AXDND1: variants seen among roughly 807,000 people sequenced by gnomAD.
The protein encoded by AXDND1 is axonemal dynein light chain domain-containing protein 1.
A neutral mutation model predicts 137.5 loss-of-function variants in AXDND1; 110 were observed. That is an observed-to-expected ratio of 0.80 (90% CI 0.69 to 0.94). AXDND1 has a LOEUF of 0.94. Among genes scored for constraint, AXDND1 ranks in the 40% least tolerant of loss-of-function variants. The pLI is 0.00. For missense variants in AXDND1, 1,191 were observed against 1,169.8 expected, an observed-to-expected ratio of 1.02 and a Z score of -0.26; for synonymous variants, 414 against 399.7, an observed-to-expected ratio of 1.04 and a Z score of -0.43.
chr1:179,482,098 A>ATTTTTTTTTTTTTTT lies in AXDND1; in HGVS notation c.1998-1018_1998-1004dup, dbSNP rs57145549. The stretch of plus-strand genomic sequence containing the variant: ...TTGGGACAAGATTAGGAGCTTTTTA[A>ATTTTTTTTTTTTTTT]TTTTTTTTTTTTTTTTTTTTTTTTT... On this transcript the variant is annotated intron_variant, in intron 17 of 25. Transcript: ENST00000367618. Among the ~76,000 whole-genome samples the ATTTTTTTTTTTTTTT allele has an allele frequency of 2.8e-5, 3 of 108,066 alleles. 1 individual carries two copies. The highest frequency in any genetic ancestry group is 1.2e-4 in the African/African-American group (3 of 25,790). The allele number at this position is 108,066 out of a possible 152,430, so 70.9% of individuals were successfully genotyped here. A position where few individuals can be genotyped will look rare whatever the true frequency, so the allele number is the denominator to read the frequency against.
At chr1:179,453,067 C>A (rs1198602523) in intron 16 of AXDND1, 1 of 152,254 alleles carries the variant, frequency 6.6e-6, no homozygotes, top group Non-Finnish European at 1.5e-5. Flanking sequence ...GGTATTGAAC[C>A]TGCGGGTGTA....
intron 4 of AXDND1, among the ~76,000 whole-genome samples, chr1:179,377,963 G>A (rs758159606): frequency 1.3e-5 from 2 of 152,160 alleles, no homozygotes; most frequent in Non-Finnish European, 2.9e-5. Context: ...GAGGCCAGGA[G>A]TTTGAGACCA....
In AXDND1 at chr1:179,375,116, T is replaced by A. The variant is rs865811436; in HGVS notation, c.375-3521T>A. 4.1e-3 allele frequency among the ~76,000 whole-genome samples: 613 copies of A among 151,008 alleles called. 3 individuals carry two copies. Among genetic ancestry groups the A allele is most frequent in the Middle Eastern group, 0.01 (3 of 294 alleles). ...TTATTAATAAAAAAAAAATTTTTTT[T>A]AAGATGGAATCTTGCTCTGTCATCC... On this transcript the variant is annotated intron_variant, in intron 4 of 25. Coordinates refer to ENST00000367618, the MANE Select transcript of AXDND1 (RefSeq NM_144696.6).
At chr1:179,414,570 C>T (rs553705851) in intron 12 of AXDND1, among the ~76,000 whole-genome samples, 4 of 152,048 alleles carry the variant, frequency 2.6e-5, no homozygotes, top group African/African-American at 7.2e-5. Flanking sequence ...GGACTACAGG[C>T]GCCCGCCACC....
At chr1:179,429,458 A>G (rs1046040011) in intron 12 of AXDND1, 60 bp from the exon 13 acceptor site, 1 of 877,916 alleles carries the variant, frequency 1.1e-6, no homozygotes. Flanking sequence ...AATCACTGTA[A>G]TAAATTATAG....
chr1:179,466,282 C>CTTTTTTTTT (rs1491121382), intron 16 of AXDND1, among the ~76,000 whole-genome samples: 31 of 95,652 alleles, frequency 3.2e-4, no homozygotes, highest in East Asian at 1.0e-3. Flanking sequence ...TCTTCTTCTT[C>CTTTTTTTTT]TTCTTTTTTT....
chr1:179,453,928 C>T (rs565543235), intron 16 of AXDND1: 8 of 152,230 alleles, frequency 5.3e-5, no homozygotes, highest in East Asian at 1.9e-4. Context: ...GCCTGTACCC[C>T]CTTCGTGTCT....
intron 8 of AXDND1, among the ~76,000 whole-genome samples, chr1:179,384,873 C>T (rs996238870): frequency 3.3e-5 from 5 of 151,918 alleles, no homozygotes; most frequent in Non-Finnish European, 5.9e-5. Flanking sequence ...AGGGGATCCT[C>T]CCACCTCAGC....
Position 179,421,367 on chromosome 1 carries a change from C to CTTT in AXDND1, c.1231-8124_1231-8122dup, listed in dbSNP as rs199703017. Among the ~76,000 whole-genome samples the CTTT allele has an allele frequency of 2.4e-3, 258 of 107,186 alleles. 17 individuals are homozygous for CTTT. Among genetic ancestry groups the CTTT allele is most frequent in the African/African-American group, 9.3e-3 (225 of 24,280 alleles). The allele number at this position is 107,186 out of a possible 152,430, so 70.3% of individuals were successfully genotyped here. ...CTTCCTTCCTTTTCTTTTTCTTTTC[C>CTTT]TTTTTTTTTTTTTTTTTTTTTTTTT... On this transcript the variant is annotated intron_variant, in intron 12 of 25. Transcript: ENST00000367618.
chr1:179,458,520 T>C (rs998273629), intron 16 of AXDND1, among the ~76,000 whole-genome samples: 4 of 152,060 alleles, frequency 2.6e-5, no homozygotes, highest in Non-Finnish European at 4.4e-5. Flanking sequence ...TAATAATTAT[T>C]ATTATAGCTT....
At chr1:179,554,478 T>C in intron 25 of AXDND1, 34 bp from the exon 26 acceptor site, 2 of 1,614,150 alleles carry the variant, frequency 1.2e-6, no homozygotes, top group Non-Finnish European at 1.7e-6. Context: ...CTACCCACAT[T>C]TCTATTCTCT....
chr1:179,487,000 C>T (rs973856611), intron 18 of AXDND1, among the ~76,000 whole-genome samples: 1 of 148,282 alleles, frequency 6.7e-6, no homozygotes, highest in African/African-American at 2.6e-5. Flanking sequence ...GGCTAAATGC[C>T]CCAATTAAAA....
In AXDND1 at chr1:179,376,055, A is replaced by G. The variant is rs138535589; in HGVS notation, c.375-2582A>G. 5.3e-3 allele frequency among the ~76,000 whole-genome samples: 801 copies of G among 152,284 alleles called. 8 individuals carry two copies. The highest frequency in any genetic ancestry group is 0.018 in the African/African-American group (761 of 41,550). ...GCACACCCTCTCCCACCATTTCACA[A>G]TATTGCAACTGTTATAGTCATTCTA... On this transcript the variant is annotated intron_variant, in intron 4 of 25. Coordinates refer to ENST00000367618, the MANE Select transcript of AXDND1 (RefSeq NM_144696.6).
At chr1:179,518,153 T>A (rs1572149037) in intron 21 of AXDND1, among the ~76,000 whole-genome samples, 1 of 152,218 alleles carries the variant, frequency 6.6e-6, no homozygotes, top group African/African-American at 2.4e-5. Flanking sequence ...ATGTAATATG[T>A]CTCCTCGTAG....
rs372165223 is a variant in AXDND1 at position 179,473,772 on chromosome 1, C to T, written c.1997+5131C>T. The stretch of plus-strand genomic sequence containing the variant: ...ATCTGATGGTTTTATAAGCATCTGG[C>T]ATTTCCCCTGCCTGCACCTCTATCT... On this transcript the variant is annotated intron_variant, in intron 17 of 25. Transcript: ENST00000367618. Among the ~76,000 whole-genome samples, 19 of 152,284 alleles carry T rather than the reference C, an allele frequency of 1.2e-4. 1 individual carries two copies. Among genetic ancestry groups the T allele is most frequent in the South Asian group, 1.0e-3 (5 of 4,828 alleles).
chr1:179,553,449 C>T (rs1053918213), intron 25 of AXDND1, among the ~76,000 whole-genome samples: 7 of 152,216 alleles, frequency 4.6e-5, no homozygotes, highest in Non-Finnish European at 1.0e-4. Flanking sequence ...CTGATTCATG[C>T]TCAAGCATGG....
At chr1:179,427,523 G>A (rs1240180270) in intron 12 of AXDND1, among the ~76,000 whole-genome samples, 1 of 152,094 alleles carries the variant, frequency 6.6e-6, no homozygotes, top group Non-Finnish European at 1.5e-5. Flanking sequence ...AACTTCATGA[G>A]ATTCAAATAT....
At chr1:179,486,836 T>C (rs1251533093) in intron 18 of AXDND1, among the ~76,000 whole-genome samples, 1 of 148,556 alleles carries the variant, frequency 6.7e-6, no homozygotes, top group Non-Finnish European at 1.5e-5. Flanking sequence ...GAGTGCTAAA[T>C]ATGGAAAAGA....
intron 20 of AXDND1, among the ~76,000 whole-genome samples, chr1:179,505,751 C>T (rs1190359771): frequency 6.6e-6 from 1 of 152,144 alleles, no homozygotes; most frequent in Non-Finnish European, 1.5e-5. Context: ...TCTTACTCCA[C>T]TTTCCATAAC....
Sources: gnomAD v4.1 joint callset for allele counts (sites outside exome capture counted in the v4.1 genomes callset) on GRCh38, gnomAD v4.1.1 for gene constraint, MANE v1.5 for transcripts, NCBI Gene and HGNC (gene_info 2026-07-23, HGNC 2026-07-21) for gene names.